The following MACF1 variants were observed in gnomAD, a reference collection of about 807,000 sequenced individuals.
The protein encoded by MACF1 is microtubule-actin cross-linking factor 1.
A neutral mutation model predicts 854.8 loss-of-function variants in MACF1; 193 were observed. The ratio of observed to expected loss-of-function variants is 0.23; its 90% confidence interval spans 0.20 to 0.25. The LOEUF is 0.25. Among genes scored for constraint, MACF1 ranks in the 10% least tolerant of loss-of-function variants. The probability of loss-of-function intolerance (pLI) is 1.00; values close to 1 mark genes in which losing one functional copy is unlikely to be tolerated. For synonymous variants in MACF1, 3,185 were observed against 3,226.7 expected, an observed-to-expected ratio of 0.99 and a Z score of 0.44; for missense variants, 7,722 against 8,929.1, an observed-to-expected ratio of 0.86 and a Z score of 5.45.
chr1:39,176,676 GT>G (rs1644033729), intron 2 of MACF1, among the ~76,000 whole-genome samples: 1 of 151,898 alleles, frequency 6.6e-6, no homozygotes, highest in Admixed American at 6.6e-5. Flanking sequence ...TAATAGTCAG[GT>G]TTTTAGATCA....
intron 89 of MACF1, chr1:39,458,130 C>T: frequency 2.4e-6 from 1 of 416,518 alleles, no homozygotes; most frequent in Non-Finnish European, 4.3e-6. Flanking sequence ...AATTTGCCCC[C>T]ATAACTCAAT....
intron 24 of MACF1, 103 bp downstream of exon 24, chr1:39,309,799 A>C (rs1231238043): frequency 5.5e-6 from 7 of 1,271,758 alleles, no homozygotes; most frequent in Non-Finnish European, 7.7e-6. Context: ...CAAATGGAGT[A>C]AAGTGGACTC....
chr1:39,355,755 C>T (rs1422239590), intron 44 of MACF1, among the ~76,000 whole-genome samples: 5 of 152,090 alleles, frequency 3.3e-5, no homozygotes, highest in Non-Finnish European at 7.4e-5. Context: ...TGAGCCACTG[C>T]GCCCAGCTTT....
At position 39,414,555 on chromosome 1, in the gene MACF1, A is replaced by C. The variant is rs770783862; in HGVS notation, c.15817-7819A>C. On this transcript the variant is annotated intron_variant, in intron 58 of 100. Coordinates refer to ENST00000564288, the MANE Select transcript of MACF1 (RefSeq NM_001394062.1). ...CAGGGCTGACCTGGTGGTGATGAGA[A>C]ATGGCACAGATAGTTCTTTTGTTCT... The C allele has an allele frequency of 1.9e-6, 3 of 1,583,598 alleles. No homozygotes were observed. The African/African-American group carries it at 4.0e-5, about 21-fold the overall frequency.
chr1:39,452,075 C>A, intron 85 of MACF1, 81 bp from the exon 86 acceptor site: 2 of 1,253,174 alleles, frequency 1.6e-6, no homozygotes, highest in Middle Eastern at 2.0e-4. Context: ...TAGAACCTAC[C>A]AAGAAAATTA....
At chr1:39,350,409 C>T (rs1647153837) in intron 42 of MACF1, among the ~76,000 whole-genome samples, 1 of 152,126 alleles carries the variant, frequency 6.6e-6, no homozygotes, top group African/African-American at 2.4e-5. Context: ...TCACACTGGA[C>T]CCCGCAGGCC....
Position 39,347,796 on chromosome 1 carries a change from C to T in MACF1, c.10815+586C>T, listed in dbSNP as rs374383414. Among the ~76,000 whole-genome samples, 19 of 152,166 alleles carry T rather than the reference C, an allele frequency of 1.2e-4. No homozygotes were observed. In the East Asian group the frequency reaches 1.9e-3, roughly 15 times the overall value. Reference sequence around the variant, plus strand: ...CACAGTATAGTGCCCAGTGCTTATTCGCTTATTCAATCATGGAAAACAGTA... The same window carrying T: ...CACAGTATAGTGCCCAGTGCTTATTTGCTTATTCAATCATGGAAAACAGTA... On this transcript the variant is annotated intron_variant, in intron 41 of 100. Transcript: ENST00000564288.
chr1:39,303,226 C>T (rs1427638011), intron 23 of MACF1, 148 bp downstream of exon 23: 11 of 805,572 alleles, frequency 1.4e-5, no homozygotes, highest in East Asian at 2.7e-5. Context: ...TATCAAGTCT[C>T]CTACTACCAG....
Position 39,424,179 on chromosome 1 carries a change from G to A in MACF1, c.16301G>A (p.Ser5434Asn). 6.2e-7 allele frequency: 1 copy of A among 1,613,226 alleles called. No homozygotes were observed. The highest frequency in any genetic ancestry group is 8.5e-7 in the Non-Finnish European group (1 of 1,179,620). ...SLESRWTELL[S>N]KAAARQKQLE... ...GAAAGTAGATGGACTGAACTACTCAGTAAGGCAGCAGCCAGGTAAGATCAA... is the reference window on the plus strand; with the variant it reads ...GAAAGTAGATGGACTGAACTACTCAATAAGGCAGCAGCCAGGTAAGATCAA... Residue 5434 changes from serine (S) to asparagine (N), a missense_variant, in exon 61 of 101, where the codon AGT (serine) becomes AAT (asparagine). Around this residue, in one of 15 missense-constraint regions of MACF1, gnomAD observed 2,807 missense variants for 3,235.8 expected, o/e 0.87. Coordinates refer to ENST00000564288, the MANE Select transcript of MACF1 (RefSeq NM_001394062.1).
intron 6 of MACF1, among the ~76,000 whole-genome samples, chr1:39,264,245 C>A (rs1235857143): frequency 6.6e-6 from 1 of 152,144 alleles, no homozygotes; most frequent in Non-Finnish European, 1.5e-5. Context: ...GGGATTGATA[C>A]CTGGACTGGA....
chr1:39,444,324 A>C (rs1644180774), intron 79 of MACF1, among the ~76,000 whole-genome samples: 2 of 152,174 alleles, frequency 1.3e-5, no homozygotes, highest in Admixed American at 1.3e-4. Context: ...TGACAGAGTG[A>C]GACTCCATCT....
chr1:39,320,562 A>G (rs1300720028), intron 31 of MACF1, among the ~76,000 whole-genome samples: 1 of 152,184 alleles, frequency 6.6e-6, no homozygotes, highest in Non-Finnish European at 1.5e-5. Flanking sequence ...CCTGCTCAAA[A>G]CTGTCCAATG....
intron 58 of MACF1, chr1:39,410,329 G>T (rs1435050026): frequency 6.2e-7 from 1 of 1,613,376 alleles, no homozygotes; most frequent in Non-Finnish European, 8.5e-7. Flanking sequence ...GGGGAAAGGA[G>T]AGGAGGAGGA....
At chr1:39,469,720 A>G in intron 97 of MACF1, 105 bp downstream of exon 97, 1 of 905,178 alleles carries the variant, frequency 1.1e-6, no homozygotes, top group South Asian at 1.5e-5. Context: ...TGCTGCATTC[A>G]TGAATGCTTG....
chr1:39,094,716 C>G (rs193116398), intron 2 of MACF1, among the ~76,000 whole-genome samples: 58 of 147,996 alleles, frequency 3.9e-4, no homozygotes, highest in African/African-American at 1.4e-3. Flanking sequence ...GAAACTCTGT[C>G]TCAAAAAAAA....
At chr1:39,254,669 T>G in intron 5 of MACF1, 2 of 330,618 alleles carry the variant, frequency 6.0e-6, no homozygotes, top group Non-Finnish European at 1.1e-5. Flanking sequence ...AGATGAAAAA[T>G]AAACTAGAAA....
At chr1:39,397,380 G>A (rs1459906358) in intron 58 of MACF1, among the ~76,000 whole-genome samples, 1 of 152,098 alleles carries the variant, frequency 6.6e-6, no homozygotes, top group African/African-American at 2.4e-5. Flanking sequence ...TGGTCAACAT[G>A]GTGAAACCCG....
intron 1 of MACF1, among the ~76,000 whole-genome samples, chr1:39,214,912 C>T (rs1416947896): frequency 6.6e-6 from 1 of 152,194 alleles, no homozygotes; most frequent in East Asian, 1.9e-4. Flanking sequence ...CAGTAAACCA[C>T]TTAGCTCACC....
intron 2 of MACF1, among the ~76,000 whole-genome samples, chr1:39,097,169 G>A (rs77358798): frequency 2.0e-5 from 3 of 151,914 alleles, no homozygotes; most frequent in South Asian, 2.1e-4. Context: ...GAGCCACCGC[G>A]CCTGGCCTCT....
Sources: gnomAD v4.1 joint callset for allele counts (sites outside exome capture counted in the v4.1 genomes callset) on GRCh38, gnomAD v4.1.1 for gene constraint, gnomAD v4.1.1 regional missense constraint, MANE v1.5 for transcripts, NCBI Gene and HGNC (gene_info 2026-07-23, HGNC 2026-07-21) for gene names.